The following CCDC178 variants were observed in gnomAD, a reference collection of about 807,000 sequenced individuals.
CCDC178 encodes the protein coiled-coil domain containing 178, also known as coiled-coil domain-containing protein 178.
In CCDC178, 126 loss-of-function variants were observed where a neutral mutation model predicts 117.4. The observed-to-expected ratio is 1.07, with a 90% CI of 0.93 to 1.24. The LOEUF (loss-of-function observed/expected upper bound fraction) is 1.24, where lower values mean the gene tolerates loss of function less well. CCDC178 is among the 50% of genes most tolerant of loss of function. CCDC178 has a pLI of 0.00. For synonymous variants in CCDC178, 283 were observed against 313.4 expected (o/e 0.90, Z 1.02); for missense variants, 1,030 against 986.9 (o/e 1.04, Z -0.59).
chr18:33,386,460 AT>A (rs1304827679), intron 5 of CCDC178, among the ~76,000 whole-genome samples: 1 of 152,184 alleles, frequency 6.6e-6, no homozygotes, highest in African/African-American at 2.4e-5. Flanking sequence ...ATGAACATCT[AT>A]GCAAAAATCT....
At chr18:33,354,837 A>G (rs1294148038) in intron 7 of CCDC178, among the ~76,000 whole-genome samples, 2 of 151,958 alleles carry the variant, frequency 1.3e-5, no homozygotes, top group Admixed American at 1.3e-4. Flanking sequence ...CTGGTCTTGA[A>G]TCCCTGACAT....
At chr18:32,962,689 G>A (rs1042293569) in intron 22 of CCDC178, among the ~76,000 whole-genome samples, 1 of 151,778 alleles carries the variant, frequency 6.6e-6, no homozygotes, top group African/African-American at 2.4e-5. Flanking sequence ...GTTTTCAGGA[G>A]TTTACTATGA....
chr18:33,107,025 A>C (rs1381574333), intron 20 of CCDC178, among the ~76,000 whole-genome samples: 2 of 151,706 alleles, frequency 1.3e-5, no homozygotes, highest in African/African-American at 4.8e-5. Context: ...ATGAGCAAGG[A>C]AACAGATGCT....
chr18:33,331,085 A>G (rs1297439822), intron 10 of CCDC178, among the ~76,000 whole-genome samples: 1 of 105,952 alleles, frequency 9.4e-6, no homozygotes, highest in Non-Finnish European at 1.7e-5. Context: ...CTTCCCATTC[A>G]CAAGCCTGAT....
intron 20 of CCDC178, among the ~76,000 whole-genome samples, chr18:33,100,932 G>A (rs1183333451): frequency 2.0e-5 from 3 of 151,764 alleles, no homozygotes; most frequent in South Asian, 2.1e-4. Context: ...AGCAAAAATC[G>A]GTTTCACCTA....
intron 21 of CCDC178, among the ~76,000 whole-genome samples, chr18:33,056,248 A>C (rs950224682): frequency 2.0e-5 from 3 of 152,228 alleles, no homozygotes; most frequent in African/African-American, 7.2e-5. Context: ...AGGGATGAGC[A>C]GGGGTCAGTT....
chr18:33,148,290 G>A (rs545812348), intron 20 of CCDC178, among the ~76,000 whole-genome samples: 6 of 152,280 alleles, frequency 3.9e-5, no homozygotes, highest in South Asian at 2.1e-4. Context: ...CAGGCGTGGC[G>A]GCGCGTGCCT....
Position 33,399,724 on chromosome 18 carries a change from C to T in CCDC178, c.59-2516G>A, listed in dbSNP as rs573722673. ...CTTTCCACCACATCTTCAGTAACTTCCTCCACTGAAGTCTTGAATCCCTCA... is the reference window on the plus strand; with the variant it reads ...CTTTCCACCACATCTTCAGTAACTTTCTCCACTGAAGTCTTGAATCCCTCA... On this transcript the variant is annotated intron_variant, in intron 3 of 22. Transcript: ENST00000383096. Among the ~76,000 whole-genome samples the T allele has an allele frequency of 5.9e-5, 9 of 152,294 alleles. No individual in the cohort carries two copies. The South Asian group carries it at 1.9e-3, about 32-fold the overall frequency.
intron 11 of CCDC178, among the ~76,000 whole-genome samples, chr18:33,306,482 AATATATGGTTATAT>A (rs1447969538): frequency 5.5e-5 from 8 of 146,030 alleles, no homozygotes; most frequent in Non-Finnish European, 1.0e-4. Context: ...GGTTATATAT[AATATATGGTTATAT>A]ATATATGGTT....
chr18:32,959,240 C>T (rs1052909505), intron 22 of CCDC178, among the ~76,000 whole-genome samples: 31 of 152,062 alleles, frequency 2.0e-4, no homozygotes, highest in African/African-American at 7.2e-4. Context: ...AAGGTTTGGT[C>T]ATGTTAGATG....
chr18:33,097,458 C>A (rs2057559986), intron 20 of CCDC178, among the ~76,000 whole-genome samples: 1 of 152,122 alleles, frequency 6.6e-6, no homozygotes, highest in Non-Finnish European at 1.5e-5. Context: ...CACATAGAAT[C>A]ATAAGCATAG....
At chr18:33,181,846 G>A (rs1387011077) in intron 20 of CCDC178, among the ~76,000 whole-genome samples, 1 of 151,528 alleles carries the variant, frequency 6.6e-6, no homozygotes, top group Admixed American at 6.6e-5. Flanking sequence ...AACAAAATAG[G>A]GAAGTATATG....
chr18:33,074,383 A>G lies in CCDC178; in HGVS notation c.2388+18378T>C, dbSNP rs995872685. Among the ~76,000 whole-genome samples, 7 of 152,266 alleles carry G rather than the reference A, an allele frequency of 4.6e-5. No individual in the cohort carries two copies. In the East Asian group the frequency reaches 9.7e-4, roughly 21 times the overall value. On this transcript the variant is annotated intron_variant, in intron 21 of 22. Coordinates refer to ENST00000383096, the MANE Select transcript of CCDC178 (RefSeq NM_001105528.4). ...AGGGTAACTACTCCCGCGACTTCCA[A>G]CATCATAGATTAATTGCACCTGTTT...
intron 21 of CCDC178, among the ~76,000 whole-genome samples, chr18:33,031,282 C>G (rs377109106): frequency 6.6e-6 from 1 of 150,500 alleles, no homozygotes; most frequent in Non-Finnish European, 1.5e-5. Context: ...GTTGCTCAGG[C>G]TGTAGTGCAG....
intron 20 of CCDC178, among the ~76,000 whole-genome samples, chr18:33,150,119 TA>T (rs1174150606): frequency 1.3e-5 from 2 of 152,070 alleles, no homozygotes; most frequent in East Asian, 3.9e-4. Context: ...TGACAAAGCA[TA>T]AAAAACATAT....
At chr18:33,357,146 A>ATGT (rs2144716443) in intron 6 of CCDC178, among the ~76,000 whole-genome samples, 1 of 152,048 alleles carries the variant, frequency 6.6e-6, no homozygotes, top group East Asian at 1.9e-4. Flanking sequence ...CCAATGTATA[A>ATGT]CTTGCATGTA....
At chr18:32,959,567 T>A (rs1306517749) in intron 22 of CCDC178, among the ~76,000 whole-genome samples, 1 of 152,140 alleles carries the variant, frequency 6.6e-6, no homozygotes. Flanking sequence ...CAAGTTTTCA[T>A]CTTTTTTGAG....
chr18:33,051,937 T>C (rs1220414476), intron 21 of CCDC178, among the ~76,000 whole-genome samples: 1 of 152,172 alleles, frequency 6.6e-6, no homozygotes, highest in East Asian at 1.9e-4. Context: ...AAAGAACATT[T>C]TGATTTTGAA....
intron 21 of CCDC178, among the ~76,000 whole-genome samples, chr18:33,072,866 C>T (rs1032810076): frequency 2.6e-5 from 4 of 152,010 alleles, no homozygotes; most frequent in Non-Finnish European, 4.4e-5. Context: ...CTTGGCCTCT[C>T]GAACTGCTGG....
Sources: gnomAD v4.1 joint callset for allele counts (sites outside exome capture counted in the v4.1 genomes callset) on GRCh38, gnomAD v4.1.1 for gene constraint, MANE v1.5 for transcripts, NCBI Gene and HGNC (gene_info 2026-07-23, HGNC 2026-07-21) for gene names.